PDE8A: variants seen among roughly 807,000 people sequenced by gnomAD.
PDE8A encodes the protein high affinity cAMP-specific and IBMX-insensitive 3',5'-cyclic phosphodiesterase 8A.
Under a neutral mutation model 105.0 loss-of-function variants are expected in PDE8A, and 59 were observed. The observed-to-expected ratio is 0.56, with a 90% CI of 0.46 to 0.70. The LOEUF (loss-of-function observed/expected upper bound fraction) is 0.70, where lower values mean the gene tolerates loss of function less well. Ranked by LOEUF, PDE8A falls within the 30% of genes least tolerant of loss-of-function variation. The pLI, the probability that PDE8A is intolerant of heterozygous loss-of-function variation, is 0.00. For synonymous variants in PDE8A, 355 were observed against 371.9 expected (o/e 0.95, Z 0.52); for missense variants, 1,014 against 1,045.9 (o/e 0.97, Z 0.42).
At chr15:85,136,418 T>C (rs1028282441) in intron 20 of PDE8A, 116 bp from the exon 21 acceptor site, 34 of 1,072,094 alleles carry the variant, frequency 3.2e-5, no homozygotes, top group Non-Finnish European at 4.2e-5. Flanking sequence ...GATTGGCTTC[T>C]CACCATGACA....
At chr15:85,091,232 A>G (rs2081638153) in intron 8 of PDE8A, 51 bp downstream of exon 8, 3 of 1,507,650 alleles carry the variant, frequency 2.0e-6, no homozygotes, top group Non-Finnish European at 2.7e-6. Context: ...AGAGAGAAGG[A>G]AGACTTAGTG....
At chr15:85,049,026 T>C (rs540595698) in intron 1 of PDE8A, among the ~76,000 whole-genome samples, 1 of 152,058 alleles carries the variant, frequency 6.6e-6, no homozygotes, top group Non-Finnish European at 1.5e-5. Context: ...TGCTTGAATC[T>C]GGGAAGTGGA....
intron 1 of PDE8A, among the ~76,000 whole-genome samples, chr15:85,003,221 T>G (rs770899233): frequency 5.3e-5 from 8 of 152,186 alleles, no homozygotes; most frequent in Non-Finnish European, 1.2e-4. Context: ...ACCAGGACTT[T>G]TTTTCCATCT....
chr15:84,992,684 T>C (rs570488113), intron 1 of PDE8A, among the ~76,000 whole-genome samples: 5 of 151,910 alleles, frequency 3.3e-5, no homozygotes, highest in Non-Finnish European at 7.4e-5. Flanking sequence ...GAGGAGGGAA[T>C]GAGAGAAGGA....
At chr15:84,986,200 C>A (rs2079799613) in intron 1 of PDE8A, among the ~76,000 whole-genome samples, 1 of 152,112 alleles carries the variant, frequency 6.6e-6, no homozygotes, top group Admixed American at 6.6e-5. Flanking sequence ...GCACTCCAGC[C>A]TGGGCAACAG....
At chr15:85,019,806 C>A (rs2080390780) in intron 1 of PDE8A, among the ~76,000 whole-genome samples, 1 of 152,126 alleles carries the variant, frequency 6.6e-6, no homozygotes, top group South Asian at 2.1e-4. Flanking sequence ...TCTCAAACTC[C>A]TGACCTCAAG....
At chr15:85,064,984 G>GC (rs2081199453) in intron 2 of PDE8A, among the ~76,000 whole-genome samples, 1 of 151,062 alleles carries the variant, frequency 6.6e-6, no homozygotes, top group South Asian at 2.1e-4. Context: ...ACAAACAAAA[G>GC]AAAAAAAATT....
chr15:85,082,656 G>T (rs75885425), intron 5 of PDE8A, among the ~76,000 whole-genome samples: 3,823 of 152,260 alleles, frequency 0.025, 168 homozygotes, highest in African/African-American at 0.086. Flanking sequence ...CTTATAGATA[G>T]TGATATGCAG....
intron 8 of PDE8A, among the ~76,000 whole-genome samples, chr15:85,092,233 G>GC (rs886427309): frequency 4.5e-4 from 69 of 152,244 alleles, no homozygotes; most frequent in African/African-American, 1.6e-3. Flanking sequence ...TAGGCCAGCT[G>GC]CAGGGGCCCA....
intron 20 of PDE8A, 45 bp from the exon 21 acceptor site, chr15:85,136,489 G>A (rs761679716): frequency 6.3e-7 from 1 of 1,586,594 alleles, no homozygotes; most frequent in Admixed American, 1.7e-5. Context: ...TAGGTGGAGT[G>A]GAACCAGATG....
chr15:85,000,691 C>A (rs1234740971), intron 1 of PDE8A, among the ~76,000 whole-genome samples: 1 of 152,186 alleles, frequency 6.6e-6, no homozygotes, highest in African/African-American at 2.4e-5. Flanking sequence ...GAACTGGGCC[C>A]TGGCTCCTCC....
chr15:84,992,525 A>T (rs1275408371), intron 1 of PDE8A, among the ~76,000 whole-genome samples: 1 of 152,148 alleles, frequency 6.6e-6, no homozygotes, highest in African/African-American at 2.4e-5. Context: ...TCAAAGGATA[A>T]ACATGTTTCA....
intron 3 of PDE8A, among the ~76,000 whole-genome samples, chr15:85,075,151 C>G (rs1025979426): frequency 2.0e-5 from 3 of 152,172 alleles, no homozygotes; most frequent in South Asian, 2.1e-4. Context: ...GATATTTTGG[C>G]TGTATTTTCA....
chr15:85,100,692 T>G (rs1341108205), intron 11 of PDE8A, among the ~76,000 whole-genome samples: 8 of 152,168 alleles, frequency 5.3e-5, no homozygotes, highest in African/African-American at 1.9e-4. Flanking sequence ...TGGTTTGGAG[T>G]CACCTGTTTC....
chr15:85,050,692 T>A (rs1165954195), intron 1 of PDE8A, among the ~76,000 whole-genome samples: 1 of 152,216 alleles, frequency 6.6e-6, no homozygotes, highest in East Asian at 1.9e-4. Flanking sequence ...TTTATGCTAG[T>A]ACCACATTAT....
chr15:85,106,750 A>T (rs1023183665), intron 11 of PDE8A, among the ~76,000 whole-genome samples: 12 of 152,318 alleles, frequency 7.9e-5, no homozygotes, highest in East Asian at 5.8e-4. Context: ...ACAGTGAGAG[A>T]TGAAAGGCAG....
At chr15:85,085,531 CTATTAAAAA>C (rs747570681) in intron 6 of PDE8A, among the ~76,000 whole-genome samples, 66 of 152,118 alleles carry the variant, frequency 4.3e-4, no homozygotes, top group Admixed American at 1.3e-3. Flanking sequence ...AACCCTGTCT[CTATTAAAAA>C]TACTAAAATT....
chr15:85,015,326 AG>A (rs1311867728), intron 1 of PDE8A, among the ~76,000 whole-genome samples: 1 of 151,770 alleles, frequency 6.6e-6, no homozygotes, highest in African/African-American at 2.4e-5. Flanking sequence ...TCCCGGGCTC[AG>A]GTGATCCTCC....
At chr15:85,123,241 C>T (rs113785296) in intron 19 of PDE8A, 48 bp downstream of exon 19, 35 of 1,593,744 alleles carry the variant, frequency 2.2e-5, no homozygotes, top group African/African-American at 2.2e-4. Context: ...GGTCCTTGTA[C>T]TGTTGTGTTA....
Sources: gnomAD v4.1 joint callset for allele counts (sites outside exome capture counted in the v4.1 genomes callset) on GRCh38, gnomAD v4.1.1 for gene constraint, MANE v1.5 for transcripts, NCBI Gene and HGNC (gene_info 2026-07-23, HGNC 2026-07-21) for gene names.